TCF20: variants seen among roughly 807,000 people sequenced by gnomAD.
TCF20 encodes the protein SPRE-binding protein.
TCF20 carries 3 observed loss-of-function variants against 148.6 expected under a neutral mutation model. That is an observed-to-expected ratio of 0.02 (90% CI 0.01 to 0.05). The LOEUF (loss-of-function observed/expected upper bound fraction) is 0.05, where lower values mean the gene tolerates loss of function less well. Among genes scored for constraint, TCF20 ranks in the 10% least tolerant of loss-of-function variants. The pLI, the probability that TCF20 is intolerant of heterozygous loss-of-function variation, is 1.00. For synonymous variants in TCF20, 1,049 were observed against 909.5 expected, an observed-to-expected ratio of 1.15 and a Z score of -2.76; for missense variants, 2,350 against 2,429.3, an observed-to-expected ratio of 0.97 and a Z score of 0.69.
chr22:42,257,762 G>A (rs1330366074), intron 1 of TCF20, among the ~76,000 whole-genome samples: 1 of 152,198 alleles, frequency 6.6e-6, no homozygotes, highest in Non-Finnish European at 1.5e-5. Flanking sequence ...TTGAGAAGAG[G>A]ATGACCCTCA....
intron 1 of TCF20, among the ~76,000 whole-genome samples, chr22:42,261,704 T>C (rs187436026): frequency 2.6e-5 from 4 of 152,212 alleles, no homozygotes; most frequent in African/African-American, 9.6e-5. Context: ...GGAAACAGTA[T>C]ATAAAAAAGT....
In TCF20 at chr22:42,213,353, T is replaced by G. The variant is rs372394801; in HGVS notation, c.1953A>C (p.Ser651=). 1 of 1,614,054 alleles carries G rather than the reference T, an allele frequency of 6.2e-7. No homozygotes were observed. The highest frequency in any genetic ancestry group is 8.5e-7 in the Non-Finnish European group (1 of 1,180,038). Residue 651 remains serine, a synonymous_variant, in exon 2 of 6, where the codon TCA becomes TCC. Coordinates refer to ENST00000677622, the MANE Select transcript of TCF20 (RefSeq NM_001378418.1). ...CTCCTGGAGGCTCTGGCTGGGGAAGTGATGCATGACTGGTTTCCTTTGCCC... is the reference window on the plus strand; with the variant it reads ...CTCCTGGAGGCTCTGGCTGGGGAAGGGATGCATGACTGGTTTCCTTTGCCC... ...NGGAKETSHA[S]LPQPEPPGGG...
chr22:42,195,942 A>C (rs1487859864), intron 2 of TCF20, among the ~76,000 whole-genome samples: 3 of 152,180 alleles, frequency 2.0e-5, no homozygotes, highest in Non-Finnish European at 4.4e-5. Flanking sequence ...CCCCCATGCC[A>C]GGCATTAGGG....
chr22:42,262,539 G>A (rs1437315286), intron 1 of TCF20, among the ~76,000 whole-genome samples: 2 of 152,126 alleles, frequency 1.3e-5, no homozygotes, highest in Non-Finnish European at 2.9e-5. Context: ...TGTCGAGCAG[G>A]AGTTGAAGGC....
chr22:42,250,905 G>A (rs1416364300), intron 1 of TCF20, among the ~76,000 whole-genome samples: 2 of 152,196 alleles, frequency 1.3e-5, no homozygotes, highest in African/African-American at 4.8e-5. Context: ...CACATGATGA[G>A]GACTGAGCAA....
chr22:42,174,487 A>G (rs1453748580), intron 3 of TCF20, among the ~76,000 whole-genome samples: 1 of 152,224 alleles, frequency 6.6e-6, no homozygotes, highest in Non-Finnish European at 1.5e-5. Context: ...CCCTGAACAC[A>G]GCCTCAGTGG....
intron 1 of TCF20, among the ~76,000 whole-genome samples, chr22:42,314,105 GCC>G (rs1927586720): frequency 1.3e-5 from 2 of 152,252 alleles, no homozygotes; most frequent in Admixed American, 1.3e-4. Flanking sequence ...TCAGCAGGGA[GCC>G]CCGTTCCTGA....
rs1294117967 is a variant in TCF20 at position 42,290,106 on chromosome 22, C to T, written c.-37+53373G>A. Reference sequence around the variant, plus strand: ...GCACCGCCGGCTGCTGCTTGGGGAGCGGGGGTCAGCCAGGGGGACAAGGGC... The same window carrying T: ...GCACCGCCGGCTGCTGCTTGGGGAGTGGGGGTCAGCCAGGGGGACAAGGGC... On this transcript the variant is annotated intron_variant, in intron 1 of 1. Coordinates refer to the TCF20 transcript ENST00000515426. The surrounding 1 kb of genome is among the most constrained non-coding windows in gnomAD (Gnocchi z 4.2). Among the ~76,000 whole-genome samples the T allele has an allele frequency of 2.0e-5, 3 of 152,150 alleles. No homozygotes were observed. Among genetic ancestry groups the T allele is most frequent in the Non-Finnish European group, 4.4e-5 (3 of 68,028 alleles).
intron 1 of TCF20, among the ~76,000 whole-genome samples, chr22:42,216,079 CTTTTT>C (rs759118027): frequency 2.2e-3 from 111 of 50,566 alleles, no homozygotes; most frequent in Middle Eastern, 0.019. Context: ...AAACCAAATC[CTTTTT>C]TTTTTTTTTT....
intron 1 of TCF20, among the ~76,000 whole-genome samples, chr22:42,324,520 T>A (rs1001583698): frequency 6.7e-6 from 1 of 149,920 alleles, no homozygotes; most frequent in Non-Finnish European, 1.5e-5. Flanking sequence ...TCCGATAAAA[T>A]AATCTCCACC....
chr22:42,230,984 C>G (rs536612356), intron 1 of TCF20, among the ~76,000 whole-genome samples: 42 of 151,974 alleles, frequency 2.8e-4, no homozygotes, highest in African/African-American at 9.7e-4. Flanking sequence ...CACGGTGAAA[C>G]CCCGTCTCTA....
chr22:42,258,929 C>G (rs1252325878), intron 1 of TCF20, among the ~76,000 whole-genome samples: 1 of 152,182 alleles, frequency 6.6e-6, no homozygotes, highest in African/African-American at 2.4e-5. Flanking sequence ...TTTTACTTTT[C>G]TCTAACAGCC....
At chr22:42,277,628 AAGCTGGAGATGC>A (rs1174124906) in intron 1 of TCF20, among the ~76,000 whole-genome samples, 4 of 152,228 alleles carry the variant, frequency 2.6e-5, no homozygotes, top group Admixed American at 6.5e-5. Flanking sequence ...TGAAATGAGA[AAGCTGGAGATGC>A]AGCTGGAGCA....
upstream of TCF20, among the ~76,000 whole-genome samples, chr22:42,272,167 G>A (rs910874576): frequency 2.0e-5 from 3 of 152,202 alleles, no homozygotes; most frequent in Admixed American, 6.5e-5. Flanking sequence ...AACAAGCCAC[G>A]GGGCCCTGCC....
intron 1 of TCF20, among the ~76,000 whole-genome samples, chr22:42,216,647 A>G (rs1921835374): frequency 6.6e-6 from 1 of 152,172 alleles, no homozygotes; most frequent in Non-Finnish European, 1.5e-5. Context: ...GCCATGTGGT[A>G]TTTGTATTTG....
chr22:42,198,665 GTT>G (rs56309420), intron 2 of TCF20, among the ~76,000 whole-genome samples: 10 of 140,562 alleles, frequency 7.1e-5, no homozygotes, highest in Admixed American at 2.1e-4. Context: ...ATTTTTCCAA[GTT>G]TTTTTTTTTT....
chr22:42,220,804 C>G (rs1922287027), intron 1 of TCF20, among the ~76,000 whole-genome samples: 1 of 152,160 alleles, frequency 6.6e-6, no homozygotes, highest in Non-Finnish European at 1.5e-5. Flanking sequence ...GGCTGAGACC[C>G]TCCACCAATG....
intron 1 of TCF20, among the ~76,000 whole-genome samples, chr22:42,280,032 CAGG>C (rs1926866516): frequency 6.6e-6 from 1 of 152,148 alleles, no homozygotes. Context: ...CTAGCAGGGA[CAGG>C]AGGAGAAATG....
At chr22:42,179,275 T>C in intron 3 of TCF20, among the ~76,000 whole-genome samples, 1 of 151,728 alleles carries the variant, frequency 6.6e-6, no homozygotes, top group Non-Finnish European at 1.5e-5. Context: ...GTGAATGTTC[T>C]ATAGCAGCAT....
Sources: gnomAD v4.1 joint callset for allele counts (sites outside exome capture counted in the v4.1 genomes callset) on GRCh38, gnomAD v4.1.1 for gene constraint, Gnocchi (gnomAD v3.1) non-coding constraint, MANE v1.5 for transcripts, NCBI Gene and HGNC (gene_info 2026-07-23, HGNC 2026-07-21) for gene names.